Variants in SPAG16 observed in about 807,000 individuals in gnomAD.
SPAG16 encodes the protein sperm associated antigen 16.
In SPAG16, 86 loss-of-function variants were observed where a neutral mutation model predicts 80.4. The observed-to-expected ratio is 1.07, with a 90% confidence interval of 0.90 to 1.28. The LOEUF is 1.28. Ranked by LOEUF, SPAG16 falls within the 50% of genes most tolerant of loss-of-function variation. The pLI is 0.00. For synonymous variants in SPAG16, 294 were observed against 265.9 expected, an observed-to-expected ratio of 1.11 and a Z score of -1.03; for missense variants, 870 against 765.3, an observed-to-expected ratio of 1.14 and a Z score of -1.61.
At chr2:213,982,490 A>T (rs917764558) in intron 12 of SPAG16, among the ~76,000 whole-genome samples, 5 of 152,086 alleles carry the variant, frequency 3.3e-5, no homozygotes, top group African/African-American at 1.2e-4. Context: ...CATACAACAA[A>T]GTTTTGAAGT....
chr2:214,053,878 G>A (rs1284461993), intron 13 of SPAG16, among the ~76,000 whole-genome samples: 2 of 152,120 alleles, frequency 1.3e-5, no homozygotes, highest in Non-Finnish European at 2.9e-5. Context: ...GCAAACTCTG[G>A]ATTCTACCAA....
intron 7 of SPAG16, among the ~76,000 whole-genome samples, chr2:213,361,720 T>C (rs1260937992): frequency 6.6e-6 from 1 of 151,444 alleles, no homozygotes; most frequent in Non-Finnish European, 1.5e-5. Context: ...ACAAAGGAAC[T>C]GTAGTGGGCA....
At chr2:214,039,441 T>C (rs964679476) in intron 13 of SPAG16, among the ~76,000 whole-genome samples, 2 of 152,182 alleles carry the variant, frequency 1.3e-5, no homozygotes, top group East Asian at 3.9e-4. Flanking sequence ...AAAGCCAAGA[T>C]TGACAAATGG....
chr2:214,148,289 C>T (rs1035551681), intron 14 of SPAG16, among the ~76,000 whole-genome samples: 2 of 152,106 alleles, frequency 1.3e-5, no homozygotes, highest in African/African-American at 4.8e-5. Context: ...ATAAACATTT[C>T]CTGAGAGACC....
intron 12 of SPAG16, among the ~76,000 whole-genome samples, chr2:214,002,352 AAAC>A (rs2046831549): frequency 6.6e-6 from 1 of 152,234 alleles, no homozygotes. Context: ...ATAAAAAACA[AAAC>A]AATAAATAAG....
intron 9 of SPAG16, among the ~76,000 whole-genome samples, chr2:213,436,998 G>A (rs945662426): frequency 2.0e-5 from 3 of 151,274 alleles, no homozygotes; most frequent in Non-Finnish European, 2.9e-5. Flanking sequence ...TGCAAGCTCC[G>A]CCTCCTGGGT....
intron 7 of SPAG16, among the ~76,000 whole-genome samples, chr2:213,356,774 T>C (rs539633629): frequency 3.6e-4 from 55 of 152,334 alleles, no homozygotes; most frequent in African/African-American, 1.2e-3. Context: ...TCTTAGTTAT[T>C]TCTTGCCTTC....
intron 10 of SPAG16, among the ~76,000 whole-genome samples, chr2:213,590,334 G>A (rs1215680738): frequency 6.6e-6 from 1 of 151,678 alleles, no homozygotes; most frequent in Admixed American, 6.6e-5. Flanking sequence ...ATGATAGATA[G>A]TTTTTCAACC....
At chr2:213,999,093 G>GC (rs2046664809) in intron 12 of SPAG16, among the ~76,000 whole-genome samples, 1 of 152,198 alleles carries the variant, frequency 6.6e-6, no homozygotes, top group South Asian at 2.1e-4. Context: ...GCAGAAATTT[G>GC]CATAAGTAAC....
rs769473623 is a variant in SPAG16, at chr2:213,350,571, T to A, written c.688T>A (p.Leu230Ile). 5.6e-6 allele frequency: 9 copies of A among 1,600,108 alleles called. No homozygotes were observed. Among genetic ancestry groups the A allele is most frequent in the Non-Finnish European group, 7.7e-6 (9 of 1,175,968 alleles). The change falls in exon 7 of 16, where the codon TTA becomes ATA. Residue 230 changes from leucine (L) to isoleucine (I), a missense_variant. Coordinates refer to ENST00000331683, the MANE Select transcript of SPAG16 (RefSeq NM_024532.5). ...YASYEPTIRVLHEKHHTLLKE... is the reference protein window; with the variant it reads ...YASYEPTIRVIHEKHHTLLKE... ...ATCTTATGAACCGACTATAAGGGTG[T>A]TACATGAGAAACACCACACTTTACT...
chr2:214,095,214 C>T (rs1275330390), intron 13 of SPAG16, among the ~76,000 whole-genome samples: 2 of 152,046 alleles, frequency 1.3e-5, no homozygotes, highest in Non-Finnish European at 2.9e-5. Flanking sequence ...GTGTAATTCA[C>T]CTCTTGAGAA....
At chr2:213,407,053 C>T (rs116373618) in intron 9 of SPAG16, among the ~76,000 whole-genome samples, 1,860 of 151,806 alleles carry the variant, frequency 0.012, 35 homozygotes, top group African/African-American at 0.031. Context: ...GCCGCGGGAG[C>T]GGGTAGAGTA....
chr2:213,728,680 A>G (rs886265793), intron 10 of SPAG16, among the ~76,000 whole-genome samples: 4 of 152,012 alleles, frequency 2.6e-5, no homozygotes, highest in South Asian at 2.1e-4. Context: ...GATCGAGACC[A>G]TCCTGGCTAA....
chr2:213,791,904 A>G (rs1219229473), intron 10 of SPAG16, among the ~76,000 whole-genome samples: 1 of 152,202 alleles, frequency 6.6e-6, no homozygotes, highest in African/African-American at 2.4e-5. Context: ...TTTTGTACAT[A>G]TTATGTCATC....
At chr2:213,328,778 T>C (rs2063950545) in intron 5 of SPAG16, among the ~76,000 whole-genome samples, 1 of 152,168 alleles carries the variant, frequency 6.6e-6, no homozygotes, top group East Asian at 1.9e-4. Context: ...CTACTTGCTG[T>C]GATGGAATAT....
intron 14 of SPAG16, among the ~76,000 whole-genome samples, chr2:214,123,072 G>T (rs751605551): frequency 2.6e-5 from 4 of 151,434 alleles, no homozygotes; most frequent in Non-Finnish European, 5.9e-5. Context: ...AAAGTGAAAC[G>T]CTTTAAAAAA....
intron 7 of SPAG16, among the ~76,000 whole-genome samples, chr2:213,355,655 GC>G (rs2065600570): frequency 6.6e-6 from 1 of 152,018 alleles, no homozygotes; most frequent in South Asian, 2.1e-4. Context: ...TCATGATTTG[GC>G]CCTCTGTTTG....
chr2:213,340,860 C>A (rs2064648155), intron 6 of SPAG16, among the ~76,000 whole-genome samples: 2 of 152,110 alleles, frequency 1.3e-5, no homozygotes, highest in African/African-American at 4.8e-5. Context: ...AATTTACAAT[C>A]CTTAAATAAA....
At chr2:213,753,090 GC>G (rs1338157226) in intron 10 of SPAG16, among the ~76,000 whole-genome samples, 5 of 152,256 alleles carry the variant, frequency 3.3e-5, no homozygotes, top group African/African-American at 1.2e-4. Context: ...TCAGCTCACT[GC>G]AAGCTCCACC....
Sources: allele counts gnomAD v4.1 joint callset (sites outside exome capture counted in the v4.1 genomes callset), GRCh38; gene constraint gnomAD v4.1.1; transcripts MANE v1.5; gene names NCBI Gene and HGNC (gene_info 2026-07-23, HGNC 2026-07-21).